DIP2C: variants seen among roughly 807,000 people sequenced by gnomAD.
DIP2C encodes the protein disco-interacting protein 2 homolog C.
DIP2C carries 33 observed loss-of-function variants against 192.4 expected under a neutral mutation model. The ratio of observed to expected loss-of-function variants is 0.17; its 90% CI spans 0.13 to 0.23. The LOEUF (loss-of-function observed/expected upper bound fraction) is 0.23, where lower values mean the gene tolerates loss of function less well. Ranked by LOEUF, DIP2C falls within the 10% of genes least tolerant of loss-of-function variation. The pLI, the probability that DIP2C is intolerant of heterozygous loss-of-function variation, is 1.00. For synonymous variants in DIP2C, 979 were observed against 864.1 expected, an observed-to-expected ratio of 1.13 and a Z score of -2.33; for missense variants, 1,537 against 2,110.1, an observed-to-expected ratio of 0.73 and a Z score of 5.32.
intron 32 of DIP2C, among the ~76,000 whole-genome samples, chr10:300,957 T>A (rs912388231): frequency 1.3e-5 from 2 of 152,250 alleles, no homozygotes; most frequent in African/African-American, 4.8e-5. Flanking sequence ...ACATCTTTTA[T>A]TAAACAGAAA....
chr10:538,374 C>CA (rs763790326), intron 1 of DIP2C, among the ~76,000 whole-genome samples: 3 of 151,246 alleles, frequency 2.0e-5, no homozygotes, highest in African/African-American at 7.3e-5. Context: ...AGCCTGGTCT[C>CA]AAACTCCTGG....
At chr10:394,517 G>A (rs1385887054) in intron 10 of DIP2C, among the ~76,000 whole-genome samples, 3 of 151,500 alleles carry the variant, frequency 2.0e-5, no homozygotes, top group Admixed American at 6.6e-5. Context: ...GCGCTATTCA[G>A]CCTTCAGGGA....
intron 35 of DIP2C, among the ~76,000 whole-genome samples, chr10:282,704 A>C (rs1954897198): frequency 6.6e-6 from 1 of 152,258 alleles, no homozygotes; most frequent in Non-Finnish European, 1.5e-5. Flanking sequence ...GGGCAAAGGC[A>C]ATGCTGTCCA....
rs544884571 is a variant in DIP2C, at chr10:459,125, T to C, written c.268+13314A>G. The stretch of plus-strand genomic sequence containing the variant: ...GGCTAATATTTTGATATTTGTGGCA[T>C]TAGAAAGTAAATCAAAACTTTTTAA... On this transcript the variant is annotated intron_variant, in intron 3 of 36. Transcript: ENST00000280886. Among the ~76,000 whole-genome samples the C allele has an allele frequency of 2.6e-5, 4 of 152,236 alleles. No individual in the cohort carries two copies. In the East Asian group the frequency reaches 7.7e-4, roughly 29 times the overall value.
At position 507,158 on chromosome 10, in the gene DIP2C, C is replaced by T. The variant is rs145012455; in HGVS notation, c.86-20628G>A. Among the ~76,000 whole-genome samples the T allele has an allele frequency of 5.6e-3, 829 of 146,904 alleles. 2 individuals are homozygous for T. Among genetic ancestry groups the T allele is most frequent in the Non-Finnish European group, 8.2e-3 (550 of 66,848 alleles). ...CCACTGTGCAGTCAGAGCCATGCGACGTTACAGACCTGGTCACCAGCTGTG... is the reference window on the plus strand; with the variant it reads ...CCACTGTGCAGTCAGAGCCATGCGATGTTACAGACCTGGTCACCAGCTGTG... On this transcript the variant is annotated intron_variant, in intron 1 of 36. Transcript: ENST00000280886.
At chr10:672,034 AGGAGGAAACAGGCCACAGACACACAGAC>A (rs1415007313) in intron 1 of DIP2C, among the ~76,000 whole-genome samples, 1 of 125,600 alleles carries the variant, frequency 8.0e-6, no homozygotes, top group Non-Finnish European at 1.7e-5. Context: ...GACGCACGGA[AGGAGGAAACAGGCCACAGACACACAGAC>A]GGAGGAAACG....
chr10:296,423 C>T (rs970049296), intron 32 of DIP2C, among the ~76,000 whole-genome samples: 3 of 151,740 alleles, frequency 2.0e-5, no homozygotes, highest in African/African-American at 4.8e-5. Context: ...AACAGGGACA[C>T]TTTTACACTG....
In DIP2C at chr10:624,543, T is replaced by C. The variant is rs577236295; in HGVS notation, c.85+64951A>G. Among the ~76,000 whole-genome samples the C allele has an allele frequency of 6.6e-5, 10 of 152,290 alleles. No individual in the cohort carries two copies. The South Asian group carries it at 1.0e-3, about 16-fold the overall frequency. ...GGTGTACGAACACAAAGTGGGGCCT[T>C]GAGTGGCTTGGAAGTCACTCCCACC... is the stretch of plus-strand genomic sequence containing the variant. On this transcript the variant is annotated intron_variant, in intron 1 of 36. Transcript: ENST00000280886.
At chr10:614,353 C>T (rs1029120789) in intron 1 of DIP2C, among the ~76,000 whole-genome samples, 13 of 152,228 alleles carry the variant, frequency 8.5e-5, no homozygotes, top group Non-Finnish European at 1.0e-4. Context: ...CCCCAGCCCC[C>T]GCCAGGCCTG....
intron 1 of DIP2C, among the ~76,000 whole-genome samples, chr10:519,499 C>T (rs545617825): frequency 3.9e-5 from 6 of 152,340 alleles, no homozygotes; most frequent in African/African-American, 1.4e-4. Flanking sequence ...TCCCCTCCCC[C>T]ACACATACAT....
intron 1 of DIP2C, among the ~76,000 whole-genome samples, chr10:498,336 C>CTA (rs1844998040): frequency 6.6e-6 from 1 of 152,214 alleles, no homozygotes; most frequent in Non-Finnish European, 1.5e-5. Context: ...TGACTGGGCT[C>CTA]TAACAGGAGA....
At chr10:646,717 G>C (rs1855474268) in intron 1 of DIP2C, among the ~76,000 whole-genome samples, 1 of 152,138 alleles carries the variant, frequency 6.6e-6, no homozygotes, top group Non-Finnish European at 1.5e-5. Flanking sequence ...CACACAAGCA[G>C]AATTTTATAG....
intron 1 of DIP2C, among the ~76,000 whole-genome samples, chr10:578,483 AAC>A (rs1278993330): frequency 1.3e-5 from 2 of 152,234 alleles, no homozygotes; most frequent in Admixed American, 6.5e-5. Flanking sequence ...CTGGGGATGA[AAC>A]ACACCTCACA....
intron 33 of DIP2C, among the ~76,000 whole-genome samples, chr10:287,256 C>T (rs1265108294): frequency 9.9e-5 from 15 of 152,044 alleles, no homozygotes; most frequent in African/African-American, 3.4e-4. Flanking sequence ...GCCAGAATTT[C>T]CTTCTTAAAG....
At chr10:527,000 C>T (rs1460770928) in intron 1 of DIP2C, among the ~76,000 whole-genome samples, 2 of 152,154 alleles carry the variant, frequency 1.3e-5, no homozygotes, top group Non-Finnish European at 1.5e-5. Context: ...TAGGTGGAGG[C>T]GGACAGGGTA....
chr10:337,591 G>A (rs1419753311), intron 29 of DIP2C, among the ~76,000 whole-genome samples: 5 of 147,830 alleles, frequency 3.4e-5, no homozygotes, highest in African/African-American at 1.0e-4. Flanking sequence ...ATGTGTGTGT[G>A]TGTGTTCTGT....
At chr10:351,878 G>T (rs1349693863) in intron 24 of DIP2C, among the ~76,000 whole-genome samples, 4 of 152,168 alleles carry the variant, frequency 2.6e-5, no homozygotes, top group Non-Finnish European at 5.9e-5. Context: ...ACCCAGCACG[G>T]CCAGGCTGGG....
chr10:398,867 C>T (rs149343849), intron 10 of DIP2C, among the ~76,000 whole-genome samples: 49 of 152,240 alleles, frequency 3.2e-4, no homozygotes, highest in African/African-American at 1.2e-3. Flanking sequence ...GATTCTCAAA[C>T]ACCCTTGCTT....
At chr10:604,130 A>G (rs939845714) in intron 1 of DIP2C, among the ~76,000 whole-genome samples, 1 of 150,788 alleles carries the variant, frequency 6.6e-6, no homozygotes, top group African/African-American at 2.4e-5. Flanking sequence ...GTGTGTGAGG[A>G]CACTGGACCC....
Sources: allele counts gnomAD v4.1 joint callset (sites outside exome capture counted in the v4.1 genomes callset), GRCh38; gene constraint gnomAD v4.1.1; transcripts MANE v1.5; gene names NCBI Gene and HGNC (gene_info 2026-07-23, HGNC 2026-07-21).